SAR1A: variants seen among roughly 807,000 people sequenced by gnomAD.
SAR1A encodes secretion associated Ras related GTPase 1A.
A neutral mutation model predicts 22.6 loss-of-function variants in SAR1A; 6 were observed. The observed-to-expected ratio is 0.27, with a 90% CI of 0.15 to 0.52. The LOEUF (loss-of-function observed/expected upper bound fraction) is 0.52. Among genes scored for constraint, SAR1A ranks in the 20% least tolerant of loss-of-function variants. The probability of loss-of-function intolerance (pLI) is 0.96; values close to 1 mark genes in which losing one functional copy is unlikely to be tolerated. For synonymous variants in SAR1A, 70 were observed against 82.2 expected (o/e 0.85, Z 0.80); for missense variants, 145 against 245.1 (o/e 0.59, Z 2.73).
chr10:70,152,713 C>T, intron 6 of SAR1A, 121 bp from the exon 7 acceptor site: 1 of 733,258 alleles, frequency 1.4e-6, no homozygotes, highest in East Asian at 2.6e-5. Context: ...GTATTAATTA[C>T]AGAAATGTGG....
intron 1 of SAR1A, among the ~76,000 whole-genome samples, chr10:70,167,201 C>A (rs1378399802): frequency 6.6e-6 from 1 of 152,040 alleles, no homozygotes; most frequent in African/African-American, 2.4e-5. Flanking sequence ...GATCTAGACA[C>A]ACTGGTGGGT....
Position 70,157,871 on chromosome 10 carries a change from A to T in SAR1A, c.245-4T>A. 1.2e-6 allele frequency: 2 copies of T among 1,605,208 alleles called. No individual in the cohort carries two copies. The highest frequency in any genetic ancestry group is 1.7e-6 in the Non-Finnish European group (2 of 1,173,254). On this transcript the variant is annotated splice_region_variant and splice_polypyrimidine_tract_variant and intron_variant, in intron 4 of 6. Transcript: ENST00000373241. ...TAATTTTTCCAAACGCGACGTGCTA[A>T]AAAACAAAGTTTGTAGTTGCATGAG...
At chr10:70,163,976 T>C in intron 1 of SAR1A, 1 of 1,257,130 alleles carries the variant, frequency 8.0e-7, no homozygotes. Flanking sequence ...AGGATGGCAA[T>C]GGCTATATTA....
At chr10:70,160,418 T>C (rs907328255) in intron 4 of SAR1A, among the ~76,000 whole-genome samples, 2 of 152,140 alleles carry the variant, frequency 1.3e-5, no homozygotes, top group Non-Finnish European at 1.5e-5. Context: ...TAAAGGGGCA[T>C]GATATGCTCA....
intron 1 of SAR1A, among the ~76,000 whole-genome samples, chr10:70,165,472 G>A (rs1476871929): frequency 1.3e-5 from 2 of 152,030 alleles, no homozygotes; most frequent in African/African-American, 2.4e-5. Flanking sequence ...TCCAACCCTC[G>A]TGGAAAACTT....
chr10:70,170,215 G>A (rs906959295), intron 1 of SAR1A, among the ~76,000 whole-genome samples, 198 bp downstream of exon 1: 1 of 151,978 alleles, frequency 6.6e-6, no homozygotes. Context: ...AGGCAAAGAG[G>A]ACAGCAGGGG....
Position 70,150,911 on chromosome 10 carries a change from C to A in SAR1A, c.*1565G>T, listed in dbSNP as rs1839317961. 6.6e-6 allele frequency: 1 copy of A among 152,276 alleles called. No individual in the cohort carries two copies. Among genetic ancestry groups the A allele is most frequent in the Admixed American group, 6.5e-5 (1 of 15,274 alleles). 9.4% of individuals were successfully genotyped at this position (152,276 alleles called of 1,614,324 possible). A position where few individuals can be genotyped will look rare whatever the true frequency, so the allele number is the denominator to read the frequency against. On this transcript the variant is annotated 3_prime_UTR_variant, in exon 7 of 7. Coordinates refer to ENST00000373241, the MANE Select transcript of SAR1A (RefSeq NM_020150.5). ...CAACTAAAGAACAATGCCTCCCTCACCCCAGTAATGTTATCCACATTTTCC... is the reference window on the plus strand; with the variant it reads ...CAACTAAAGAACAATGCCTCCCTCAACCCAGTAATGTTATCCACATTTTCC...
chr10:70,164,763 C>G (rs1839523366), intron 1 of SAR1A, among the ~76,000 whole-genome samples: 1 of 152,156 alleles, frequency 6.6e-6, no homozygotes, highest in Non-Finnish European at 1.5e-5. Flanking sequence ...TATACTAAAT[C>G]TACTCTGCCT....
intron 4 of SAR1A, among the ~76,000 whole-genome samples, chr10:70,158,642 G>A (rs904765822): frequency 1.3e-5 from 2 of 151,836 alleles, no homozygotes; most frequent in South Asian, 2.1e-4. Context: ...CCTTTAAAGA[G>A]TGGAGCTAGG....
intron 4 of SAR1A, among the ~76,000 whole-genome samples, chr10:70,159,033 C>T (rs1318063710): frequency 1.3e-5 from 2 of 152,178 alleles, no homozygotes; most frequent in Non-Finnish European, 2.9e-5. Context: ...TCAGTCTTAT[C>T]TTGCTCTGAA....
At chr10:70,169,123 C>T (rs1839591435) in intron 1 of SAR1A, among the ~76,000 whole-genome samples, 1 of 152,210 alleles carries the variant, frequency 6.6e-6, no homozygotes, top group African/African-American at 2.4e-5. Context: ...GATGAGGATA[C>T]TCCTAGTTTT....
chr10:70,170,084 G>A (rs1351983482), intron 1 of SAR1A, among the ~76,000 whole-genome samples: 5 of 152,230 alleles, frequency 3.3e-5, no homozygotes, highest in African/African-American at 1.2e-4. Context: ...CGAGGGCTGT[G>A]AGGCTCTTCC....
Position 70,147,490 on chromosome 10 carries a change from G to A in SAR1A, c.*4986C>T, listed in dbSNP as rs541578617. On this transcript the variant is annotated 3_prime_UTR_variant, in exon 7 of 7. Transcript: ENST00000373241. ...GCAGCTGTTGCATACAAAAGCTAAA[G>A]GAATGGCGGTGGCTGTGTCCCAATA... 2.9e-4 allele frequency: 44 copies of A among 152,286 alleles called. No homozygotes were observed. Among genetic ancestry groups the A allele is most frequent in the African/African-American group, 1.1e-3 (44 of 41,548 alleles). The allele number at this position is 152,286 out of a possible 1,614,324, so 9.4% of individuals were successfully genotyped here.
At chr10:70,164,473 G>A (rs1172086204) in intron 1 of SAR1A, among the ~76,000 whole-genome samples, 2 of 152,148 alleles carry the variant, frequency 1.3e-5, no homozygotes, top group Non-Finnish European at 2.9e-5. Flanking sequence ...TTGAAGTATG[G>A]AGTTGTAACT....
chr10:70,150,590 G>A lies in SAR1A; in HGVS notation c.*1886C>T, dbSNP rs1469138180. The A allele has an allele frequency of 6.6e-6, 1 of 152,154 alleles. No individual in the cohort carries two copies. Among genetic ancestry groups the A allele is most frequent in the Non-Finnish European group, 1.5e-5 (1 of 68,022 alleles). The allele number at this position is 152,154 out of a possible 1,614,324, so 9.4% of individuals were successfully genotyped here. ...AAAAATTAAGAAAACTAACACTGAA[G>A]TAATCATACTTCTCATGTCTCCGAA... On this transcript the variant is annotated 3_prime_UTR_variant, in exon 7 of 7. Transcript: ENST00000373241.
chr10:70,168,160 G>A (rs1390093978), intron 1 of SAR1A, among the ~76,000 whole-genome samples: 1 of 152,186 alleles, frequency 6.6e-6, no homozygotes, highest in African/African-American at 2.4e-5. Context: ...CTAAATCCCG[G>A]CTGCTGCTGA....
intron 1 of SAR1A, among the ~76,000 whole-genome samples, chr10:70,166,526 C>T (rs1839553154): frequency 6.6e-6 from 1 of 152,198 alleles, no homozygotes; most frequent in African/African-American, 2.4e-5. Context: ...GCTCCATTTA[C>T]CAATGTTATC....
Position 70,157,748 on chromosome 10 carries a change from A to G in SAR1A, c.348+16T>C, listed in dbSNP as rs746755640. On this transcript the variant is annotated intron_variant, in intron 5 of 6. Transcript: ENST00000373241. The stretch of plus-strand genomic sequence containing the variant: ...CAAAATATACATTAAAATACACATT[A>G]AAGGACAAAACATACATTAAGCTCA... The G allele has an allele frequency of 1.3e-5, 20 of 1,588,952 alleles. No homozygotes were observed. The highest frequency in any genetic ancestry group is 1.7e-5 in the Admixed American group (1 of 59,838).
chr10:70,155,999 T>A (rs1839382941), intron 5 of SAR1A, among the ~76,000 whole-genome samples: 1 of 152,190 alleles, frequency 6.6e-6, no homozygotes, highest in South Asian at 2.1e-4. Context: ...AGCATTATGG[T>A]GCATATCAGG....
Sources: gnomAD v4.1 joint callset for allele counts (sites outside exome capture counted in the v4.1 genomes callset) on GRCh38, gnomAD v4.1.1 for gene constraint, MANE v1.5 for transcripts, NCBI Gene and HGNC (gene_info 2026-07-23, HGNC 2026-07-21) for gene names.